Variants in BANP observed in about 807,000 individuals in gnomAD.
BANP encodes the protein protein BANP.
In BANP, 11 loss-of-function variants were observed where a neutral mutation model predicts 68.1. The ratio of observed to expected loss-of-function variants is 0.16; its 90% CI spans 0.10 to 0.27. The LOEUF is 0.27. Ranked by LOEUF, BANP falls within the 10% of genes least tolerant of loss-of-function variation. BANP has a pLI of 1.00. For synonymous variants in BANP, 329 were observed against 303.2 expected, an observed-to-expected ratio of 1.09 and a Z score of -0.88; for missense variants, 504 against 722.7, an observed-to-expected ratio of 0.70 and a Z score of 3.47.
Position 87,975,322 on chromosome 16 carries a change from G to A in BANP, c.70+137G>A, listed in dbSNP as rs1489903780. Reference sequence around the variant, plus strand: ...GCGTATGAAAAGTTTGAATCCTAGAGATGTGAACACTGTCGGCCCCTCCCT... The same window carrying A: ...GCGTATGAAAAGTTTGAATCCTAGAAATGTGAACACTGTCGGCCCCTCCCT... On this transcript the variant is annotated intron_variant, in intron 2 of 13. Coordinates refer to ENST00000682872, the MANE Select transcript of BANP (RefSeq NM_001386991.1). 5.8e-6 allele frequency: 5 copies of A among 860,462 alleles called. No homozygotes were observed. In the African/African-American group the frequency reaches 8.4e-5, roughly 14 times the overall value. 53.3% of individuals were successfully genotyped at this position (860,462 alleles called of 1,614,324 possible).
Position 88,071,429 on chromosome 16 carries a change from T to TC in BANP, c.1378-635dup. On this transcript the variant is annotated intron_variant, in intron 12 of 13. Coordinates refer to ENST00000682872, the MANE Select transcript of BANP (RefSeq NM_001386991.1). The surrounding 1 kb of genome is among the most constrained non-coding windows in gnomAD (Gnocchi z 6.5). ...AGAGCCCACCCAGGGGCCTCGCCTG[T>TC]CCCCCATTCTCATTCCATACTCTGG... 1 of 455,760 alleles carries TC rather than the reference T, an allele frequency of 2.2e-6. No individual in the cohort carries two copies. The highest frequency in any genetic ancestry group is 1.6e-5 in the South Asian group (1 of 64,516). The allele number at this position is 455,760 out of a possible 1,614,324, so 28.2% of individuals were successfully genotyped here.
rs967237294 is a variant in BANP at position 88,057,072 on chromosome 16, C to T, written c.1312-8195C>T. Among the ~76,000 whole-genome samples, 2 of 152,134 alleles carry T rather than the reference C, an allele frequency of 1.3e-5. No individual in the cohort carries two copies. The highest frequency in any genetic ancestry group is 4.8e-5 in the African/African-American group (2 of 41,450). Reference sequence around the variant, plus strand: ...TTTTGGTGGGATCCAAATGTGAGAACTTTTTCTGAATAAGGGAGTTTTGGT... The same window carrying T: ...TTTTGGTGGGATCCAAATGTGAGAATTTTTTCTGAATAAGGGAGTTTTGGT... On this transcript the variant is annotated intron_variant, in intron 11 of 13. Transcript: ENST00000682872. This position sits in a 1 kb window ranked among gnomAD's most constrained non-coding sequence, Gnocchi z 4.6.
intron 1 of BANP, among the ~76,000 whole-genome samples, chr16:87,965,390 G>A (rs2059841540): frequency 6.6e-6 from 1 of 152,088 alleles, no homozygotes; most frequent in African/African-American, 2.4e-5. Flanking sequence ...ACAGAGAAAT[G>A]GGGCTGGGGC....
intron 12 of BANP, 40 bp downstream of exon 12, chr16:88,065,372 G>A (rs760180141): frequency 2.7e-6 from 2 of 731,134 alleles, no homozygotes. Context: ...ACCCTCTGTG[G>A]CTGGGAGGAG....
At chr16:87,956,948 C>T (rs1346625298) in intron 1 of BANP, 8 of 152,194 alleles carry the variant, frequency 5.3e-5, no homozygotes, top group Non-Finnish European at 1.0e-4. Flanking sequence ...CCGGGGCCTC[C>T]GTGGCAGAAT....
intron 7 of BANP, among the ~76,000 whole-genome samples, chr16:88,022,531 G>A (rs1474450650): frequency 6.6e-6 from 1 of 152,206 alleles, no homozygotes; most frequent in Non-Finnish European, 1.5e-5. Flanking sequence ...GGGAAGCAGC[G>A]GGGGCCACTT....
intron 1 of BANP, among the ~76,000 whole-genome samples, chr16:87,954,172 A>T (rs2057564421): frequency 6.6e-6 from 1 of 152,062 alleles, no homozygotes; most frequent in South Asian, 2.1e-4. Context: ...TTGCGTCTTT[A>T]TCCTTCCTTC....
At chr16:88,075,643 T>G (rs1350229135) in intron 13 of BANP, among the ~76,000 whole-genome samples, 1 of 151,806 alleles carries the variant, frequency 6.6e-6, no homozygotes, top group Non-Finnish European at 1.5e-5. Context: ...CTTCTGGGAG[T>G]GTGCACGGCA....
At chr16:88,069,040 C>G (rs1010990147) in intron 12 of BANP, among the ~76,000 whole-genome samples, 9 of 152,224 alleles carry the variant, frequency 5.9e-5, no homozygotes, top group Middle Eastern at 3.4e-3. Flanking sequence ...CCAGCTCCAG[C>G]CCCAGGCCCA....
At chr16:88,001,568 C>T (rs1054828484) in intron 4 of BANP, among the ~76,000 whole-genome samples, 3 of 152,302 alleles carry the variant, frequency 2.0e-5, no homozygotes, top group East Asian at 3.9e-4. Flanking sequence ...TGATTTAAAT[C>T]GCGTTAGTTG....
At chr16:87,959,797 G>C (rs1261635786) in intron 1 of BANP, 1 of 152,764 alleles carries the variant, frequency 6.5e-6, no homozygotes, top group Non-Finnish European at 1.5e-5. Flanking sequence ...AGAGAGGGAG[G>C]AGCCTCGGGA....
At position 87,965,337 on chromosome 16, in the gene BANP, G is replaced by A. The variant is rs578001451; in HGVS notation, c.-68-9711G>A. Among the ~76,000 whole-genome samples, 8 of 152,178 alleles carry A rather than the reference G, an allele frequency of 5.3e-5. No homozygotes were observed. The Middle Eastern group carries it at 0.01, about 194-fold the overall frequency. ...GATGTGAGCACTGAAAATGGAGACCGCAAGTACAGGCGGGGCTTCTGAGGA... is the reference window on the plus strand; with the variant it reads ...GATGTGAGCACTGAAAATGGAGACCACAAGTACAGGCGGGGCTTCTGAGGA... On this transcript the variant is annotated intron_variant, in intron 1 of 13. Coordinates refer to ENST00000682872, the MANE Select transcript of BANP (RefSeq NM_001386991.1).
At chr16:88,027,811 C>T (rs1256712317) in intron 8 of BANP, among the ~76,000 whole-genome samples, 161 bp downstream of exon 8, 3 of 152,224 alleles carry the variant, frequency 2.0e-5, no homozygotes, top group African/African-American at 7.2e-5. Context: ...AGCCGCAGGA[C>T]CTGTGCCTGG....
At chr16:88,006,036 G>A (rs555222790) in intron 5 of BANP, 54 bp from the exon 6 acceptor site, 19 of 1,611,308 alleles carry the variant, frequency 1.2e-5, no homozygotes, top group South Asian at 5.5e-5. Flanking sequence ...TGACCTTCGC[G>A]TGCTGCTTGC....
At chr16:88,022,751 C>T (rs558848221) in intron 7 of BANP, among the ~76,000 whole-genome samples, 2 of 152,320 alleles carry the variant, frequency 1.3e-5, no homozygotes, top group East Asian at 1.9e-4. Flanking sequence ...TTTCCCTCTC[C>T]CAGCTTCTGG....
intron 12 of BANP, among the ~76,000 whole-genome samples, chr16:88,067,225 C>T (rs1567929650): frequency 6.6e-6 from 1 of 152,196 alleles, no homozygotes; most frequent in Admixed American, 6.5e-5. Context: ...GGCCGACTGG[C>T]TTGTGTGGCT....
chr16:88,035,468 C>T (rs2079105428), intron 10 of BANP, 74 bp downstream of exon 10: 3 of 1,392,286 alleles, frequency 2.2e-6, no homozygotes, highest in South Asian at 1.3e-5. Context: ...ATCGGTGTCA[C>T]AGTGCGAGGG....
At chr16:88,073,424 G>T (rs4072777) in intron 13 of BANP, among the ~76,000 whole-genome samples, 5 of 151,720 alleles carry the variant, frequency 3.3e-5, no homozygotes, top group Non-Finnish European at 5.9e-5. Flanking sequence ...GCCCATGGGC[G>T]CGGTGGCCCC....
At chr16:88,061,647 C>G (rs377641356) in intron 11 of BANP, among the ~76,000 whole-genome samples, 1 of 151,602 alleles carries the variant, frequency 6.6e-6, no homozygotes, top group Non-Finnish European at 1.5e-5. Flanking sequence ...GAGCCTCTTT[C>G]TCTGAGCACC....
Sources: gnomAD v4.1 joint callset for allele counts (sites outside exome capture counted in the v4.1 genomes callset) on GRCh38, gnomAD v4.1.1 for gene constraint, Gnocchi (gnomAD v3.1) non-coding constraint, MANE v1.5 for transcripts, NCBI Gene and HGNC (gene_info 2026-07-23, HGNC 2026-07-21) for gene names.